The following PTPRT variants were observed in gnomAD, a reference collection of about 807,000 sequenced individuals.
The protein encoded by PTPRT is protein tyrosine phosphatase receptor type T, also known as receptor-type tyrosine-protein phosphatase T.
A neutral mutation model predicts 176.8 loss-of-function variants in PTPRT; 56 were observed. The ratio of observed to expected loss-of-function variants is 0.32; its 90% CI spans 0.26 to 0.40. PTPRT has a LOEUF of 0.40. PTPRT is among the 10% of genes least tolerant of loss of function. The probability of loss-of-function intolerance (pLI) is 1.00; values close to 1 mark genes in which losing one functional copy is unlikely to be tolerated. For synonymous variants in PTPRT, 783 were observed against 739.0 expected, an observed-to-expected ratio of 1.06 and a Z score of -0.96; for missense variants, 1,540 against 1,908.2, an observed-to-expected ratio of 0.81 and a Z score of 3.60.
chr20:42,904,536 G>T (rs2079448834), intron 1 of PTPRT, among the ~76,000 whole-genome samples: 1 of 152,180 alleles, frequency 6.6e-6, no homozygotes, highest in African/African-American at 2.4e-5. Context: ...AGTGGAAGAG[G>T]TGAAAACCTT....
At chr20:42,475,283 G>T (rs972486056) in intron 7 of PTPRT, among the ~76,000 whole-genome samples, 2 of 152,188 alleles carry the variant, frequency 1.3e-5, no homozygotes, top group African/African-American at 4.8e-5. Flanking sequence ...ACAAAGTGCG[G>T]TTTTGAACTT....
intron 7 of PTPRT, among the ~76,000 whole-genome samples, chr20:42,668,263 C>G (rs1352815715): frequency 6.6e-6 from 1 of 152,190 alleles, no homozygotes; most frequent in East Asian, 1.9e-4. Context: ...GCAGAAAAAT[C>G]TAAAAGTGCA....
intron 1 of PTPRT, among the ~76,000 whole-genome samples, chr20:43,088,165 A>G (rs1295881354): frequency 6.6e-6 from 1 of 152,198 alleles, no homozygotes; most frequent in African/African-American, 2.4e-5. Flanking sequence ...TTATGTGCCA[A>G]TTAAAAAAAT....
At chr20:42,613,375 G>A (rs528153823) in intron 7 of PTPRT, among the ~76,000 whole-genome samples, 1 of 152,342 alleles carries the variant, frequency 6.6e-6, no homozygotes, top group Non-Finnish European at 1.5e-5. Context: ...AATTCTCTGA[G>A]AACTGGAACC....
intron 7 of PTPRT, among the ~76,000 whole-genome samples, chr20:42,510,785 A>C (rs890490293): frequency 6.6e-5 from 10 of 152,192 alleles, no homozygotes; most frequent in Admixed American, 3.9e-4. Context: ...GGGGAAAGCC[A>C]CATTTCCCAG....
chr20:43,037,938 G>C (rs1462855077), intron 1 of PTPRT, among the ~76,000 whole-genome samples: 1 of 152,132 alleles, frequency 6.6e-6, no homozygotes, highest in Non-Finnish European at 1.5e-5. Flanking sequence ...GAACACTTCT[G>C]AATCAACCAT....
At chr20:42,578,231 C>G (rs1214465662) in intron 7 of PTPRT, among the ~76,000 whole-genome samples, 1 of 152,062 alleles carries the variant, frequency 6.6e-6, no homozygotes, top group African/African-American at 2.4e-5. Flanking sequence ...AGCACACTAA[C>G]CAGGGATTCA....
At chr20:43,170,348 A>C (rs1198257621) in intron 1 of PTPRT, among the ~76,000 whole-genome samples, 2 of 152,172 alleles carry the variant, frequency 1.3e-5, no homozygotes, top group African/African-American at 4.8e-5. Flanking sequence ...TCCATAAAGA[A>C]ATTTAAAGCT....
intron 19 of PTPRT, among the ~76,000 whole-genome samples, chr20:42,121,024 TG>T (rs1339959471): frequency 6.6e-6 from 1 of 151,684 alleles, no homozygotes; most frequent in Non-Finnish European, 1.5e-5. Context: ...CCAGTCTTTT[TG>T]CCCTGTTGAG....
chr20:42,066,334 G>A, the PTPRT span, among the ~76,000 whole-genome samples: 9 of 152,052 alleles, frequency 5.9e-5, no homozygotes, highest in Admixed American at 4.6e-4. Context: ...GAGCCACTGC[G>A]CCTGGCTGGT....
intron 15 of PTPRT, among the ~76,000 whole-genome samples, chr20:42,210,101 T>C (rs2055583621): frequency 6.6e-6 from 1 of 152,214 alleles, no homozygotes; most frequent in South Asian, 2.1e-4. Context: ...TCAACAACCC[T>C]TCATGCTAAA....
intron 13 of PTPRT, among the ~76,000 whole-genome samples, chr20:42,269,367 T>C (rs564666810): frequency 5.3e-5 from 8 of 152,314 alleles, no homozygotes; most frequent in African/African-American, 9.6e-5. Context: ...TTCTCCACCA[T>C]GATAAACTGA....
At chr20:42,102,045 A>G in intron 26 of PTPRT, 79 bp downstream of exon 26, 1 of 1,525,812 alleles carries the variant, frequency 6.6e-7, no homozygotes. Flanking sequence ...CAGGGCCCTG[A>G]GGTCCAGCCA....
intron 7 of PTPRT, among the ~76,000 whole-genome samples, chr20:42,521,437 C>T (rs1486703338): frequency 5.3e-5 from 8 of 152,136 alleles, no homozygotes. Context: ...ATACTACGTC[C>T]ATTTATTTGA....
At chr20:42,138,182 T>C (rs6029994) in intron 18 of PTPRT, among the ~76,000 whole-genome samples, 22,583 of 152,218 alleles carry the variant, frequency 0.15, 2,259 homozygotes, top group East Asian at 0.48. Flanking sequence ...GCCACTGCTG[T>C]AGGCATTATA....
rs188469280 is a variant in PTPRT, at chr20:42,817,568, G to A, written c.215-26102C>T. Among the ~76,000 whole-genome samples, 14 of 152,316 alleles carry A rather than the reference G, an allele frequency of 9.2e-5. No individual in the cohort carries two copies. In the East Asian group the frequency reaches 2.7e-3, roughly 29 times the overall value. ...TGTTTGAAAATATAAAATGCCTTTT[G>A]TTATGATTTCAGCAGGATGAGGTGA... On this transcript the variant is annotated intron_variant, in intron 2 of 30. Coordinates refer to ENST00000373187, the MANE Select transcript of PTPRT (RefSeq NM_007050.6).
intron 11 of PTPRT, among the ~76,000 whole-genome samples, chr20:42,334,638 A>G (rs1271201724): frequency 6.6e-6 from 1 of 152,232 alleles, no homozygotes; most frequent in Non-Finnish European, 1.5e-5. Context: ...CAAATTGGGG[A>G]AAATAATCTG....
intron 11 of PTPRT, among the ~76,000 whole-genome samples, chr20:42,344,133 C>T (rs1402040448): frequency 6.6e-6 from 1 of 152,208 alleles, no homozygotes; most frequent in Non-Finnish European, 1.5e-5. Flanking sequence ...TTCCTGTCCT[C>T]AGGTGATCTG....
intron 1 of PTPRT, among the ~76,000 whole-genome samples, chr20:43,179,456 T>C (rs2015195500): frequency 6.6e-6 from 1 of 152,228 alleles, no homozygotes; most frequent in African/African-American, 2.4e-5. Flanking sequence ...AGCTAAATTA[T>C]ATCATAGCCC....
Sources: gnomAD v4.1 joint callset for allele counts (sites outside exome capture counted in the v4.1 genomes callset) on GRCh38, gnomAD v4.1.1 for gene constraint, MANE v1.5 for transcripts, NCBI Gene and HGNC (gene_info 2026-07-23, HGNC 2026-07-21) for gene names.